The following PDE4D variants were observed in gnomAD, a reference collection of about 807,000 sequenced individuals.
PDE4D encodes 3',5'-cyclic-AMP phosphodiesterase 4D.
A neutral mutation model predicts 87.4 loss-of-function variants in PDE4D; 24 were observed. The ratio of observed to expected loss-of-function variants is 0.27; its 90% CI spans 0.20 to 0.39. The LOEUF (loss-of-function observed/expected upper bound fraction) is 0.39, where lower values mean the gene tolerates loss of function less well. Ranked by LOEUF, PDE4D falls within the 10% of genes least tolerant of loss-of-function variation. The probability of loss-of-function intolerance (pLI) is 1.00; values close to 1 mark genes in which losing one functional copy is unlikely to be tolerated. For synonymous variants in PDE4D, 384 were observed against 383.2 expected, an observed-to-expected ratio of 1.00 and a Z score of -0.02; for missense variants, 714 against 1,041.0, an observed-to-expected ratio of 0.69 and a Z score of 4.32.
chr5:59,275,343 T>C (rs1420729703), intron 1 of PDE4D: 4 of 1,595,216 alleles, frequency 2.5e-6, no homozygotes, highest in Non-Finnish European at 3.4e-6. Context: ...GTTACCAAAC[T>C]GCCTCTGCAG....
At chr5:60,395,132 C>T (rs1376812808) in intron 1 of PDE4D, among the ~76,000 whole-genome samples, 1 of 152,084 alleles carries the variant, frequency 6.6e-6, no homozygotes, top group East Asian at 1.9e-4. Flanking sequence ...AAACCAAATC[C>T]AATTCAACAA....
At position 59,613,002 on chromosome 5, in the gene PDE4D, A is replaced by C. The variant is rs1334813179; in HGVS notation, c.455+280166T>G. Among the ~76,000 whole-genome samples, 3 of 152,164 alleles carry C rather than the reference A, an allele frequency of 2.0e-5. No homozygotes were observed. The East Asian group carries it at 5.8e-4, about 29-fold the overall frequency. On this transcript the variant is annotated intron_variant, in intron 1 of 14. Transcript: ENST00000340635. ...GAAGTTACTGAAGTATTCTGAGCAA[A>C]GAAGTGACCTAATGCCACCTAGACT...
chr5:60,213,336 G>T (rs559976029), intron 1 of PDE4D, among the ~76,000 whole-genome samples: 22 of 152,286 alleles, frequency 1.4e-4, no homozygotes, highest in Admixed American at 1.3e-3. Context: ...CAATGGCCCT[G>T]TGTGGAGTCA....
intron 1 of PDE4D, among the ~76,000 whole-genome samples, chr5:60,513,144 T>G (rs1583966746): frequency 6.6e-6 from 1 of 152,046 alleles, no homozygotes; most frequent in African/African-American, 2.4e-5. Flanking sequence ...TCACAAACAT[T>G]AAGATTTTAT....
At chr5:60,196,785 C>A (rs1741261806) in intron 1 of PDE4D, among the ~76,000 whole-genome samples, 1 of 151,422 alleles carries the variant, frequency 6.6e-6, no homozygotes, top group African/African-American at 2.4e-5. Context: ...AGGCACTGAG[C>A]CTTTTATTCT....
At chr5:59,829,202 A>C (rs1770685881) in intron 1 of PDE4D, among the ~76,000 whole-genome samples, 1 of 152,050 alleles carries the variant, frequency 6.6e-6, no homozygotes, top group African/African-American at 2.4e-5. Context: ...GATGCAGGAT[A>C]CAGTCACAGG....
chr5:59,535,074 T>TGG (rs1180675685), intron 1 of PDE4D, among the ~76,000 whole-genome samples: 1 of 71,672 alleles, frequency 1.4e-5, no homozygotes, highest in Admixed American at 1.5e-4. Flanking sequence ...TGTGTGTGTG[T>TGG]GTGGGGGGGG....
chr5:59,248,004 A>C (rs27691), intron 1 of PDE4D, among the ~76,000 whole-genome samples: 135,832 of 135,924 alleles, frequency 1, 67,871 homozygotes, highest in Non-Finnish European at 1. Context: ...TGATCCAGAC[A>C]AGTGATTACC....
intron 1 of PDE4D, among the ~76,000 whole-genome samples, chr5:59,249,879 AAG>A (rs1218592196): frequency 2.0e-5 from 3 of 151,930 alleles, no homozygotes; most frequent in Non-Finnish European, 2.9e-5. Context: ...GTGTATGTTT[AAG>A]AGTCTTGTTC....
At chr5:59,716,219 A>G (rs1459359574) in intron 1 of PDE4D, among the ~76,000 whole-genome samples, 1 of 152,216 alleles carries the variant, frequency 6.6e-6, no homozygotes, top group Non-Finnish European at 1.5e-5. Context: ...TTAGGTGATC[A>G]CCCATGTAAG....
intron 1 of PDE4D, chr5:60,430,132 A>C (rs533854696): frequency 1.5e-4 from 79 of 524,816 alleles, no homozygotes; most frequent in Admixed American, 1.9e-4. Flanking sequence ...AAGTTTCCGG[A>C]GCTCTTTGAG....
intron 1 of PDE4D, among the ~76,000 whole-genome samples, chr5:59,554,517 A>T (rs1338735712): frequency 6.6e-6 from 1 of 152,214 alleles, no homozygotes; most frequent in South Asian, 2.1e-4. Context: ...TCTACCAAGA[A>T]AGATGGCTAA....
At chr5:59,764,237 A>G in intron 1 of PDE4D, among the ~76,000 whole-genome samples, 1 of 152,192 alleles carries the variant, frequency 6.6e-6, no homozygotes, top group East Asian at 1.9e-4. Context: ...ATGCAGACCA[A>G]GGCTGGAATA....
intron 1 of PDE4D, among the ~76,000 whole-genome samples, chr5:60,208,309 A>C (rs1038771934): frequency 5.3e-5 from 8 of 152,198 alleles, no homozygotes; most frequent in African/African-American, 1.9e-4. Context: ...TAACAGCTTA[A>C]TGGAGGGGCA....
intron 1 of PDE4D, among the ~76,000 whole-genome samples, chr5:59,319,575 A>C (rs1774356144): frequency 6.6e-6 from 1 of 152,138 alleles, no homozygotes; most frequent in African/African-American, 2.4e-5. Context: ...GGTCTTATGT[A>C]AATTTCAACC....
chr5:59,929,772 G>A (rs2152786639), intron 3 of PDE4D, among the ~76,000 whole-genome samples: 1 of 152,252 alleles, frequency 6.6e-6, no homozygotes, highest in South Asian at 2.1e-4. Context: ...TCTAGGCTTA[G>A]TTACTGCCTA....
At chr5:59,972,579 T>C (rs1760901799) in intron 3 of PDE4D, among the ~76,000 whole-genome samples, 1 of 152,240 alleles carries the variant, frequency 6.6e-6, no homozygotes, top group Admixed American at 6.5e-5. Context: ...ATGCCTGTTT[T>C]AATGCTGAGC....
At chr5:60,308,116 G>A (rs575449061) in intron 1 of PDE4D, among the ~76,000 whole-genome samples, 1 of 152,144 alleles carries the variant, frequency 6.6e-6, no homozygotes, top group African/African-American at 2.4e-5. Context: ...ATTTAAAAAT[G>A]GAGATGTTTC....
At chr5:60,289,206 T>G (rs1752679927) in intron 1 of PDE4D, among the ~76,000 whole-genome samples, 1 of 152,210 alleles carries the variant, frequency 6.6e-6, no homozygotes, top group Non-Finnish European at 1.5e-5. Flanking sequence ...TTATAACATT[T>G]AAATTTGTTA....
Sources: allele counts gnomAD v4.1 joint callset (sites outside exome capture counted in the v4.1 genomes callset), GRCh38; gene constraint gnomAD v4.1.1; transcripts MANE v1.5; gene names NCBI Gene and HGNC (gene_info 2026-07-23, HGNC 2026-07-21).